SYNJ2: variants seen among roughly 807,000 people sequenced by gnomAD.
SYNJ2 encodes synaptojanin 2.
Under a neutral mutation model 141.3 loss-of-function variants are expected in SYNJ2, and 116 were observed. The observed-to-expected ratio is 0.82, with a 90% confidence interval of 0.71 to 0.96. SYNJ2 has a LOEUF of 0.96. SYNJ2 is among the 40% of genes least tolerant of loss of function. The pLI is 0.00. For missense variants in SYNJ2, 1,873 were observed against 1,934.8 expected, an observed-to-expected ratio of 0.97 and a Z score of 0.60; for synonymous variants, 745 against 777.7, an observed-to-expected ratio of 0.96 and a Z score of 0.70.
chr6:158,029,944 C>A (rs1031739204), intron 3 of SYNJ2, among the ~76,000 whole-genome samples: 1 of 152,182 alleles, frequency 6.6e-6, no homozygotes, highest in East Asian at 1.9e-4. Context: ...TGAACCCAGG[C>A]TTTCTGGGTC....
At chr6:157,996,856 A>C (rs1777650201) in intron 1 of SYNJ2, among the ~76,000 whole-genome samples, 1 of 152,184 alleles carries the variant, frequency 6.6e-6, no homozygotes, top group East Asian at 1.9e-4. Flanking sequence ...AGGCCTCCCA[A>C]GAAGCAGATG....
chr6:158,033,956 C>T (rs1386971979), intron 4 of SYNJ2, among the ~76,000 whole-genome samples: 1 of 152,148 alleles, frequency 6.6e-6, no homozygotes, highest in African/African-American at 2.4e-5. Context: ...GGAATTTTTG[C>T]CTTGGTCGTG....
In SYNJ2 at chr6:158,096,047, C is replaced by G; in HGVS notation, c.4174C>G (p.Pro1392Ala). 6.2e-7 allele frequency: 1 copy of G among 1,614,254 alleles called. No homozygotes were observed. The highest frequency in any genetic ancestry group is 8.5e-7 in the Non-Finnish European group (1 of 1,180,052). ...TCTCAGCACTTCATCTGCTACAAGC[C>G]CCGACAGCGATGGCACCAAAGCGAT... ...DFLSTSSATS[P>A]DSDGTKAMKP... The change falls in exon 27 of 27, where the codon CCC (proline) becomes GCC (alanine). Residue 1392 changes from proline to alanine, a missense_variant. Transcript: ENST00000355585.
intron 16 of SYNJ2, among the ~76,000 whole-genome samples, chr6:158,075,603 T>C (rs1782232337): frequency 6.6e-6 from 1 of 151,086 alleles, no homozygotes; most frequent in Admixed American, 6.6e-5. Flanking sequence ...ATCGCACCAC[T>C]GCACTCCAGC....
At chr6:158,052,705 C>T (rs557627922) in intron 5 of SYNJ2, among the ~76,000 whole-genome samples, 145 of 152,278 alleles carry the variant, frequency 9.5e-4, no homozygotes, top group South Asian at 4.6e-3. Context: ...ATCCAAACAC[C>T]TCCCACCAGG....
At chr6:158,067,102 T>C (rs1009142955) in intron 12 of SYNJ2, among the ~76,000 whole-genome samples, 2 of 152,214 alleles carry the variant, frequency 1.3e-5, no homozygotes, top group African/African-American at 4.8e-5. Flanking sequence ...CACTGCAACC[T>C]CCATCTCCAA....
chr6:158,034,537 C>T (rs953215563), intron 4 of SYNJ2, among the ~76,000 whole-genome samples: 1 of 152,196 alleles, frequency 6.6e-6, no homozygotes, highest in South Asian at 2.1e-4. Flanking sequence ...CTGCCTGCTC[C>T]AGTGTTCAGA....
At position 158,064,933 on chromosome 6, in the gene SYNJ2, C is replaced by G. The variant is rs753468231; in HGVS notation, c.1467C>G (p.Val489=). The G allele has an allele frequency of 1.9e-6, 3 of 1,613,320 alleles. No homozygotes were observed. Among genetic ancestry groups the G allele is most frequent in the Admixed American group, 3.3e-5 (2 of 59,900 alleles). The change falls in exon 11 of 27, where the codon GTC becomes GTG. Residue 489 remains valine (V), a synonymous_variant. Transcript: ENST00000355585. Reference sequence around the variant, plus strand: ...TCAAGCTGCTGCTGGTTGGGGACGTCTACGGCGAGGAGGTGGCAGACAAAG... The same window carrying G: ...TCAAGCTGCTGCTGGTTGGGGACGTGTACGGCGAGGAGGTGGCAGACAAAG... ...EAIKLLLVGD[V]YGEEVADKGG...
chr6:158,019,691 G>A (rs1020126710), intron 2 of SYNJ2, among the ~76,000 whole-genome samples: 1 of 152,226 alleles, frequency 6.6e-6, no homozygotes, highest in African/African-American at 2.4e-5. Flanking sequence ...CCGAGGCTTT[G>A]GGTGCCCCCA....
chr6:158,039,143 G>A (rs567992510), intron 4 of SYNJ2, among the ~76,000 whole-genome samples: 1 of 152,332 alleles, frequency 6.6e-6, no homozygotes, highest in South Asian at 2.1e-4. Context: ...GGAACCCCTC[G>A]CTTTCTGTCT....
intron 1 of SYNJ2, among the ~76,000 whole-genome samples, chr6:158,010,673 A>G (rs1290182444): frequency 1.3e-5 from 2 of 152,224 alleles, no homozygotes; most frequent in Non-Finnish European, 2.9e-5. Context: ...ATTTGGAGAT[A>G]GGGTTGTTGC....
At position 158,083,417 on chromosome 6, in the gene SYNJ2, C is replaced by G; in HGVS notation, c.2866-12C>G. 6.2e-7 allele frequency: 1 copy of G among 1,611,520 alleles called. No homozygotes were observed. Among genetic ancestry groups the G allele is most frequent in the Non-Finnish European group, 8.5e-7 (1 of 1,177,952 alleles). On this transcript the variant is annotated splice_polypyrimidine_tract_variant and intron_variant, in intron 20 of 26. Coordinates refer to ENST00000355585, the MANE Select transcript of SYNJ2 (RefSeq NM_003898.4). The stretch of plus-strand genomic sequence containing the variant: ...TTTTATTTATTCCTGGGTGGCCGCT[C>G]TGCCCTCCCAGGTGAAAGGCAGAGC...
At chr6:158,063,107 T>TA (rs1393220632) in intron 8 of SYNJ2, among the ~76,000 whole-genome samples, 3 of 152,232 alleles carry the variant, frequency 2.0e-5, no homozygotes, top group African/African-American at 7.2e-5. Flanking sequence ...GATCAGTTGA[T>TA]AAAAATGTGA....
Position 158,040,864 on chromosome 6 carries a change from G to A in SYNJ2, c.712-2452G>A, listed in dbSNP as rs769537669. 9.2e-5 allele frequency among the ~76,000 whole-genome samples: 14 copies of A among 152,226 alleles called. No homozygotes were observed. The highest frequency in any genetic ancestry group is 3.4e-3 in the Middle Eastern group (1 of 294). ...CCTGGCCTCATCACAGCACTGGCACGGGCCTCCGACTTTTCTTCCCGTGGC... is the reference window on the plus strand; with the variant it reads ...CCTGGCCTCATCACAGCACTGGCACAGGCCTCCGACTTTTCTTCCCGTGGC... On this transcript the variant is annotated intron_variant, in intron 4 of 26. Coordinates refer to ENST00000355585, the MANE Select transcript of SYNJ2 (RefSeq NM_003898.4). The surrounding 1 kb of genome is among the most constrained non-coding windows in gnomAD (Gnocchi z 4.2).
intron 21 of SYNJ2, 106 bp downstream of exon 21, chr6:158,083,703 C>T: frequency 7.0e-7 from 1 of 1,433,782 alleles, no homozygotes; most frequent in Non-Finnish European, 9.6e-7. Context: ...ACGGAGGACA[C>T]CCGCAGGGCA....
chr6:158,061,316 C>T lies in SYNJ2; in HGVS notation c.955-676C>T, dbSNP rs919828041. ...GGACAGTTTGTCCTTCATCACGGGG[C>T]TCTCTGGGGAGAAAGCCAGGGAGCT... is the stretch of plus-strand genomic sequence containing the variant. On this transcript the variant is annotated intron_variant, in intron 7 of 26. Transcript: ENST00000355585. Among the ~76,000 whole-genome samples the T allele has an allele frequency of 3.9e-5, 6 of 152,326 alleles. No homozygotes were observed. In the East Asian group the frequency reaches 1.2e-3, roughly 29 times the overall value.
At chr6:158,075,514 G>A (rs1472178687) in intron 16 of SYNJ2, among the ~76,000 whole-genome samples, 1 of 151,828 alleles carries the variant, frequency 6.6e-6, no homozygotes, top group Non-Finnish European at 1.5e-5. Context: ...GGTGGCAGGC[G>A]CCTGTAATCC....
intron 1 of SYNJ2, among the ~76,000 whole-genome samples, chr6:157,989,144 C>A (rs1777316238): frequency 6.6e-6 from 1 of 152,036 alleles, no homozygotes; most frequent in Non-Finnish European, 1.5e-5. Flanking sequence ...ATGTTTATTG[C>A]AAGCTGTTTT....
chr6:158,043,278 G>A lies in SYNJ2; in HGVS notation c.712-38G>A, dbSNP rs1272541492. 2 of 1,590,760 alleles carry A rather than the reference G, an allele frequency of 1.3e-6. No homozygotes were observed. The highest frequency in any genetic ancestry group is 4.5e-5 in the East Asian group (2 of 44,702). The stretch of plus-strand genomic sequence containing the variant: ...CCAGCCCAGGACGTTCGGTTTCATT[G>A]AAGAATACCTTTCCCTTTCTGTTTC... On this transcript the variant is annotated intron_variant, in intron 4 of 26. Transcript: ENST00000355585. The surrounding 1 kb of genome is among the most constrained non-coding windows in gnomAD (Gnocchi z 4.0).
Sources: gnomAD v4.1 joint callset for allele counts (sites outside exome capture counted in the v4.1 genomes callset) on GRCh38, gnomAD v4.1.1 for gene constraint, Gnocchi (gnomAD v3.1) non-coding constraint, MANE v1.5 for transcripts, NCBI Gene and HGNC (gene_info 2026-07-23, HGNC 2026-07-21) for gene names.